The following CELF4 variants were observed in gnomAD, a reference collection of about 807,000 sequenced individuals.
CELF4 encodes the protein CUG-BP- and ETR-3-like factor 4.
In CELF4, 18 loss-of-function variants were observed where a neutral mutation model predicts 59.9. The observed-to-expected ratio is 0.30, with a 90% CI of 0.21 to 0.45. The LOEUF is 0.45. CELF4 is among the 20% of genes least tolerant of loss of function. The probability of loss-of-function intolerance (pLI) is 1.00; values close to 1 mark genes in which losing one functional copy is unlikely to be tolerated. For synonymous variants in CELF4, 261 were observed against 267.1 expected, an observed-to-expected ratio of 0.98 and a Z score of 0.22; for missense variants, 456 against 689.0, an observed-to-expected ratio of 0.66 and a Z score of 3.79.
intron 2 of CELF4, among the ~76,000 whole-genome samples, chr18:37,459,898 T>C (rs1157206921): frequency 6.6e-6 from 1 of 152,210 alleles, no homozygotes; most frequent in African/African-American, 2.4e-5. Context: ...TTCTTCTAAA[T>C]ACATACGTCC....
chr18:37,367,921 A>G (rs2098807097), intron 2 of CELF4, among the ~76,000 whole-genome samples: 1 of 151,882 alleles, frequency 6.6e-6, no homozygotes, highest in African/African-American at 2.4e-5. Flanking sequence ...GGCTGTGTTA[A>G]CACCCCCCAC....
intron 2 of CELF4, among the ~76,000 whole-genome samples, chr18:37,372,817 A>T (rs1284749839): frequency 5.9e-5 from 9 of 151,970 alleles, no homozygotes. Flanking sequence ...AAATAAAATA[A>T]TTTTTACTTA....
chr18:37,277,336 C>T (rs1405415979), intron 3 of CELF4, among the ~76,000 whole-genome samples: 1 of 152,262 alleles, frequency 6.6e-6, no homozygotes, highest in East Asian at 1.9e-4. Flanking sequence ...GCCCCACTAC[C>T]TGCCTCAAGC....
chr18:37,423,946 T>C (rs2099595983), intron 2 of CELF4, among the ~76,000 whole-genome samples: 1 of 152,008 alleles, frequency 6.6e-6, no homozygotes, highest in African/African-American at 2.4e-5. Context: ...TCTGAGTTTC[T>C]TCCTTATCCA....
intron 2 of CELF4, among the ~76,000 whole-genome samples, chr18:37,411,182 C>T (rs1415980007): frequency 1.3e-5 from 2 of 152,176 alleles, no homozygotes; most frequent in East Asian, 3.8e-4. Flanking sequence ...CCTCAAACTC[C>T]TGAGCTCAAG....
chr18:37,312,072 C>T (rs577670462), intron 3 of CELF4, among the ~76,000 whole-genome samples: 27 of 137,860 alleles, frequency 2.0e-4, no homozygotes, highest in Admixed American at 3.1e-4. Flanking sequence ...TATCACGCCA[C>T]TGCACTCCAG....
At chr18:37,548,716 T>C (rs1219462100) in intron 1 of CELF4, among the ~76,000 whole-genome samples, 1 of 152,056 alleles carries the variant, frequency 6.6e-6, no homozygotes, top group African/African-American at 2.4e-5. Context: ...GTTGAGCAGG[T>C]GTTGCTGCAG....
intron 1 of CELF4, among the ~76,000 whole-genome samples, chr18:37,502,905 G>A (rs1428529201): frequency 1.3e-5 from 2 of 152,210 alleles, no homozygotes. Context: ...CAGTGCTGGG[G>A]TCGGATCTGC....
At chr18:37,450,548 T>G (rs552527920) in intron 2 of CELF4, among the ~76,000 whole-genome samples, 44 of 151,944 alleles carry the variant, frequency 2.9e-4, no homozygotes, top group Admixed American at 8.5e-4. Context: ...GCAGATAAAG[T>G]GCGCACAGCT....
At chr18:37,287,231 G>A (rs1236021250) in intron 3 of CELF4, among the ~76,000 whole-genome samples, 1 of 152,188 alleles carries the variant, frequency 6.6e-6, no homozygotes, top group Non-Finnish European at 1.5e-5. Context: ...AGGCAGGGCA[G>A]GGAAGGGATG....
intron 2 of CELF4, among the ~76,000 whole-genome samples, chr18:37,411,685 C>T (rs2099460602): frequency 1.3e-5 from 2 of 152,372 alleles, no homozygotes; most frequent in African/African-American, 4.8e-5. Flanking sequence ...ACCCAGAGAG[C>T]AGCCAGCACC....
chr18:37,391,173 C>T (rs1035486147), intron 2 of CELF4, among the ~76,000 whole-genome samples: 7 of 152,108 alleles, frequency 4.6e-5, no homozygotes, highest in Admixed American at 1.3e-4. Context: ...GCATAAGAAG[C>T]AGGCAGGGAG....
chr18:37,423,971 G>T (rs898149093), intron 2 of CELF4, among the ~76,000 whole-genome samples: 3 of 146,996 alleles, frequency 2.0e-5, no homozygotes, highest in Non-Finnish European at 4.5e-5. Flanking sequence ...TCTAAGTCCT[G>T]GGGAGAGGTC....
intron 9 of CELF4, among the ~76,000 whole-genome samples, chr18:37,265,808 T>A (rs1212554588): frequency 1.3e-5 from 2 of 152,116 alleles, no homozygotes; most frequent in Non-Finnish European, 2.9e-5. Flanking sequence ...ACTGCACTCA[T>A]GGGAGACAGC....
intron 8 of CELF4, among the ~76,000 whole-genome samples, chr18:37,268,862 A>T (rs919348717): frequency 4.6e-5 from 7 of 152,206 alleles, no homozygotes; most frequent in Admixed American, 2.0e-4. Context: ...TAATTTTTTT[A>T]ATGTACTACT....
chr18:37,472,117 C>G (rs1360099408), intron 2 of CELF4, among the ~76,000 whole-genome samples: 1 of 152,214 alleles, frequency 6.6e-6, no homozygotes, highest in Non-Finnish European at 1.5e-5. Flanking sequence ...ATGATGTAGG[C>G]CTCATGTGGG....
At position 37,337,504 on chromosome 18, in the gene CELF4, G is replaced by A. The variant is rs567067929; in HGVS notation, c.370-15623C>T. 5.9e-5 allele frequency among the ~76,000 whole-genome samples: 9 copies of A among 152,260 alleles called. No individual in the cohort carries two copies. In the East Asian group the frequency reaches 1.7e-3, roughly 29 times the overall value. On this transcript the variant is annotated intron_variant, in intron 2 of 12. Coordinates refer to ENST00000420428, the MANE Select transcript of CELF4 (RefSeq NM_020180.4). ...CACCAGGAGGCAGCTGTTCCTGATG[G>A]CATTCATTCATTCCCTCCCTCATTT...
At chr18:37,248,797 T>C (rs1255245181) in intron 12 of CELF4, among the ~76,000 whole-genome samples, 1 of 152,090 alleles carries the variant, frequency 6.6e-6, no homozygotes, top group Non-Finnish European at 1.5e-5. Context: ...GCTCCACCCC[T>C]CCCCATAGTT....
chr18:37,454,470 C>T (rs556592781), intron 2 of CELF4, among the ~76,000 whole-genome samples: 2 of 152,304 alleles, frequency 1.3e-5, no homozygotes, highest in South Asian at 4.1e-4. Context: ...GTAGCCCCCA[C>T]ATGGTTCTTG....
Sources: allele counts gnomAD v4.1 joint callset (sites outside exome capture counted in the v4.1 genomes callset), GRCh38; gene constraint gnomAD v4.1.1; transcripts MANE v1.5; gene names NCBI Gene and HGNC (gene_info 2026-07-23, HGNC 2026-07-21).